RC3H2: variants seen among roughly 807,000 people sequenced by gnomAD.
RC3H2 encodes the protein ring finger and CCCH-type domains 2.
Under a neutral mutation model 133.3 loss-of-function variants are expected in RC3H2, and 31 were observed. The observed-to-expected ratio is 0.23, with a 90% CI of 0.17 to 0.31. The LOEUF is 0.31. RC3H2 is among the 10% of genes least tolerant of loss of function. The pLI, the probability that RC3H2 is intolerant of heterozygous loss-of-function variation, is 1.00. For synonymous variants in RC3H2, 517 were observed against 502.2 expected (o/e 1.03, Z -0.40); for missense variants, 1,175 against 1,437.2 (o/e 0.82, Z 2.95).
intron 13 of RC3H2, 77 bp downstream of exon 13, chr9:122,857,846 T>C (rs1475635547): frequency 7.7e-7 from 1 of 1,290,336 alleles, no homozygotes; most frequent in Non-Finnish European, 1.1e-6. Flanking sequence ...ACATAGCTAT[T>C]CCTGGTTTGA....
In RC3H2 at chr9:122,888,101, A is replaced by T. The variant is rs919310208; in HGVS notation, c.583+2211T>A. 2.6e-5 allele frequency among the ~76,000 whole-genome samples: 4 copies of T among 152,030 alleles called. No individual in the cohort carries two copies. The East Asian group carries it at 7.7e-4, about 29-fold the overall frequency. On this transcript the variant is annotated intron_variant, in intron 4 of 20. Transcript: ENST00000357244. ...TGGTTCTGGTGGCATTAACATAATT[A>T]TTTGCTTGCTTGTTTTATCCAACTG...
chr9:122,887,813 C>A (rs576956505), intron 4 of RC3H2, among the ~76,000 whole-genome samples: 1 of 142,922 alleles, frequency 7.0e-6, no homozygotes, highest in Non-Finnish European at 1.5e-5. Flanking sequence ...GGCATGATCT[C>A]GGCTCACTGC....
At chr9:122,852,475 C>T (rs1353825508) in intron 18 of RC3H2, among the ~76,000 whole-genome samples, 1 of 147,674 alleles carries the variant, frequency 6.8e-6, no homozygotes, top group African/African-American at 2.5e-5. Flanking sequence ...CCCGGCCGCC[C>T]CTACTGGGAA....
intron 1 of RC3H2, among the ~76,000 whole-genome samples, chr9:122,901,881 G>A (rs1413493809): frequency 1.3e-5 from 2 of 150,598 alleles, no homozygotes; most frequent in Non-Finnish European, 2.9e-5. Context: ...GAGCCTCGGC[G>A]CCCAGTCTCA....
Position 122,879,954 on chromosome 9 carries a change from T to C in RC3H2, c.1093+39A>G, listed in dbSNP as rs191535849. ...TCTCTTGTGTTATTCACCTCAAAAG[T>C]AGAAAAAAATATAAGCAACTGAGCA... is the stretch of plus-strand genomic sequence containing the variant. On this transcript the variant is annotated intron_variant, in intron 7 of 20. Coordinates refer to ENST00000357244, the MANE Select transcript of RC3H2 (RefSeq NM_001100588.3). 4.7e-4 allele frequency: 759 copies of C among 1,612,096 alleles called. 5 individuals carry two copies. The highest frequency in any genetic ancestry group is 9.2e-5 in the Non-Finnish European group (108 of 1,178,990).
Position 122,860,014 on chromosome 9 carries a change from A to T in RC3H2, c.1752T>A (p.Thr584=). ...AATGCGGAGGATATACTGGTACTCT[A>T]GTTAGAAATGGGCTGGATTTTTGAG... The part of the protein sequence containing the change: ...SVPQKSSPFL[T]RVPVYPPHSE... Residue 584 remains threonine (T), a synonymous_variant, in exon 11 of 21, where the codon ACT becomes ACA. Coordinates refer to ENST00000357244, the MANE Select transcript of RC3H2 (RefSeq NM_001100588.3). The T allele has an allele frequency of 6.2e-7, 1 of 1,614,096 alleles. No homozygotes were observed. Among genetic ancestry groups the T allele is most frequent in the Non-Finnish European group, 8.5e-7 (1 of 1,179,968 alleles).
At position 122,855,867 on chromosome 9, in the gene RC3H2, A is replaced by G. The variant is rs1402035911; in HGVS notation, c.2466T>C (p.Ser822=). The G allele has an allele frequency of 1.9e-6, 3 of 1,612,206 alleles. No individual in the cohort carries two copies. The highest frequency in any genetic ancestry group is 1.7e-6 in the Non-Finnish European group (2 of 1,179,178). ...SVDFRADFSE[S]VSGTKFEEDH... is the part of the protein sequence containing the mutation. ...CTTCTTCAAATTTTGTACCACTCAC[A>G]CTCTCTGAGAACTGGTTAAAAAAAA... The change falls in exon 14 of 21, where the codon AGT becomes AGC. Residue 822 remains serine, a synonymous_variant. Coordinates refer to ENST00000357244, the MANE Select transcript of RC3H2 (RefSeq NM_001100588.3).
intron 1 of RC3H2, among the ~76,000 whole-genome samples, chr9:122,900,062 TTCA>T (rs1832596219): frequency 6.6e-6 from 1 of 152,160 alleles, no homozygotes; most frequent in Non-Finnish European, 1.5e-5. Flanking sequence ...TTTAAACTGT[TTCA>T]AACTATACCA....
intron 9 of RC3H2, chr9:122,875,193 C>A (rs774605549): frequency 6.4e-7 from 1 of 1,551,062 alleles, no homozygotes; most frequent in South Asian, 1.2e-5. Context: ...TCTCTAGGCA[C>A]TTCAAGTGGG....
chr9:122,861,049 C>T (rs1157304378), intron 10 of RC3H2, among the ~76,000 whole-genome samples: 1 of 152,044 alleles, frequency 6.6e-6, no homozygotes, highest in East Asian at 1.9e-4. Context: ...TAAATACTTG[C>T]TGGGTGAATG....
rs1829914396 is a variant in RC3H2 at position 122,848,506 on chromosome 9, A to G, written c.*1121T>C. 6.6e-6 allele frequency: 1 copy of G among 152,200 alleles called. No homozygotes were observed. The highest frequency in any genetic ancestry group is 1.5e-5 in the Non-Finnish European group (1 of 68,010). 9.4% of individuals were successfully genotyped at this position (152,200 alleles called of 1,614,324 possible). On this transcript the variant is annotated 3_prime_UTR_variant, in exon 21 of 21. Coordinates refer to ENST00000357244, the MANE Select transcript of RC3H2 (RefSeq NM_001100588.3). The stretch of plus-strand genomic sequence containing the variant: ...ATTATTCATGTTCTTAAGTATGAAT[A>G]AATGTTAGCCACTGTTCTACTATTA...
intron 10 of RC3H2, among the ~76,000 whole-genome samples, chr9:122,860,758 A>C (rs1830425983): frequency 6.6e-6 from 1 of 151,710 alleles, no homozygotes; most frequent in Non-Finnish European, 1.5e-5. Context: ...TGAAGGTTAA[A>C]AAAAAAAAAG....
chr9:122,888,844 G>A (rs572078780), intron 4 of RC3H2, among the ~76,000 whole-genome samples: 5 of 152,242 alleles, frequency 3.3e-5, no homozygotes, highest in Admixed American at 6.5e-5. Flanking sequence ...CCTAGAAGTG[G>A]GATTGCTAGA....
chr9:122,883,221 G>A lies in RC3H2; in HGVS notation c.742C>T (p.Arg248Ter), dbSNP rs1003680055. The A allele has an allele frequency of 6.2e-7, 1 of 1,612,476 alleles. No individual in the cohort carries two copies. The highest frequency in any genetic ancestry group is 8.5e-7 in the Non-Finnish European group (1 of 1,179,610). ...SIGHVVQLLY[R>*]ASCFKVTKRD... ...CTGCTTACCTTAAAACAAGAAGCTC[G>A]ATACAGTAGTTGCACAACATGACCA... The change falls in exon 5 of 21, where the codon CGA becomes TGA. Residue 248 changes from arginine to a stop codon, truncating the protein, a stop_gained. Transcript: ENST00000357244. LOFTEE classifies it high-confidence loss of function.
intron 2 of RC3H2, among the ~76,000 whole-genome samples, chr9:122,896,317 C>T (rs934480338): frequency 7.9e-5 from 12 of 151,990 alleles, no homozygotes; most frequent in Non-Finnish European, 5.9e-5. Flanking sequence ...TTCATTTACA[C>T]TATTATATAA....
In RC3H2 at chr9:122,848,497, A is replaced by G. The variant is rs1368236709; in HGVS notation, c.*1130T>C. On this transcript the variant is annotated 3_prime_UTR_variant, in exon 21 of 21. Coordinates refer to ENST00000357244, the MANE Select transcript of RC3H2 (RefSeq NM_001100588.3). ...AAGGCAGAAATTATTCATGTTCTTAAGTATGAATAAATGTTAGCCACTGTT... is the reference window on the plus strand; with the variant it reads ...AAGGCAGAAATTATTCATGTTCTTAGGTATGAATAAATGTTAGCCACTGTT... The G allele has an allele frequency of 6.6e-6, 1 of 152,188 alleles. No homozygotes were observed. Among genetic ancestry groups the G allele is most frequent in the African/African-American group, 2.4e-5 (1 of 41,456 alleles). The allele number at this position is 152,188 out of a possible 1,614,324, so 9.4% of individuals were successfully genotyped here.
At chr9:122,866,416 C>T (rs1417429462) in intron 9 of RC3H2, among the ~76,000 whole-genome samples, 2 of 145,394 alleles carry the variant, frequency 1.4e-5, no homozygotes, top group Non-Finnish European at 3.0e-5. Flanking sequence ...CCCACGGTCT[C>T]CCTCTCCCTC....
Position 122,849,608 on chromosome 9 carries a change from T to C in RC3H2, c.*19A>G, listed in dbSNP as rs778984343. The C allele has an allele frequency of 2.5e-6, 4 of 1,579,442 alleles. No individual in the cohort carries two copies. The highest frequency in any genetic ancestry group is 3.5e-6 in the Non-Finnish European group (4 of 1,153,628). ...ATGCTTCCATGGTGTGGTCACAAAT[T>C]TGAAAGATGAACCTCCTTTCAGCTG... On this transcript the variant is annotated 3_prime_UTR_variant, in exon 21 of 21. Transcript: ENST00000357244.
At chr9:122,878,751 T>C (rs904718194) in intron 8 of RC3H2, among the ~76,000 whole-genome samples, 4 of 151,798 alleles carry the variant, frequency 2.6e-5, no homozygotes, top group Non-Finnish European at 5.9e-5. Context: ...TTAACTTCTT[T>C]TTATTTTATA....
Sources: allele counts gnomAD v4.1 joint callset (sites outside exome capture counted in the v4.1 genomes callset), GRCh38; gene constraint gnomAD v4.1.1; transcripts MANE v1.5; gene names NCBI Gene and HGNC (gene_info 2026-07-23, HGNC 2026-07-21).